The following MTHFD1L variants were observed in gnomAD, a reference collection of about 807,000 sequenced individuals.
MTHFD1L encodes methylenetetrahydrofolate dehydrogenase (NADP+ dependent) 1 like.
Under a neutral mutation model 119.5 loss-of-function variants are expected in MTHFD1L, and 81 were observed. The ratio of observed to expected loss-of-function variants is 0.68; its 90% CI spans 0.57 to 0.82. The LOEUF (loss-of-function observed/expected upper bound fraction) is 0.82. MTHFD1L is among the 40% of genes least tolerant of loss of function. MTHFD1L has a pLI of 0.00. For synonymous variants in MTHFD1L, 430 were observed against 475.2 expected (o/e 0.90, Z 1.24); for missense variants, 1,125 against 1,253.4 (o/e 0.90, Z 1.55).
At chr6:150,962,409 G>T (rs1796577773) in intron 18 of MTHFD1L, among the ~76,000 whole-genome samples, 2 of 152,156 alleles carry the variant, frequency 1.3e-5, no homozygotes, top group Non-Finnish European at 2.9e-5. Context: ...ACTCTTTTTA[G>T]TTATCTTTTG....
intron 7 of MTHFD1L, among the ~76,000 whole-genome samples, chr6:150,895,414 G>T (rs1784054226): frequency 6.6e-6 from 1 of 152,178 alleles, no homozygotes; most frequent in Admixed American, 6.5e-5. Context: ...ATGGTCTCCA[G>T]CTGGGAGATG....
chr6:151,004,865 A>G (rs1781171062), intron 20 of MTHFD1L, among the ~76,000 whole-genome samples: 1 of 152,208 alleles, frequency 6.6e-6, no homozygotes, highest in South Asian at 2.1e-4. Flanking sequence ...GCCAAGACAA[A>G]TAATTCTTAT....
At chr6:151,011,050 A>G (rs7760043) in intron 21 of MTHFD1L, among the ~76,000 whole-genome samples, 44,109 of 152,112 alleles carry the variant, frequency 0.29, 7,255 homozygotes, top group African/African-American at 0.43. Flanking sequence ...GAGAGCCGAG[A>G]ACTTCAGATC....
At position 151,073,309 on chromosome 6, in the gene MTHFD1L, G is replaced by A. The variant is rs374015449; in HGVS notation, c.2848-19158G>A. ...CCCATCACCAGAGAAAGGATCACCC[G>A]AAAGAATGAGGGAACAGTGCCTGCC... On this transcript the variant is annotated intron_variant, in intron 26 of 27. Coordinates refer to ENST00000367321, the MANE Select transcript of MTHFD1L (RefSeq NM_015440.5). Among the ~76,000 whole-genome samples, 119 of 152,282 alleles carry A rather than the reference G, an allele frequency of 7.8e-4. 2 individuals carry two copies. The highest frequency in any genetic ancestry group is 3.4e-3 in the Middle Eastern group (1 of 294).
chr6:150,902,084 C>T (rs1785179477), intron 7 of MTHFD1L, among the ~76,000 whole-genome samples: 1 of 152,070 alleles, frequency 6.6e-6, no homozygotes, highest in Non-Finnish European at 1.5e-5. Context: ...GTCTTCTAGT[C>T]AAGAGGGTAG....
At chr6:150,945,092 T>C (rs574242279) in intron 14 of MTHFD1L, among the ~76,000 whole-genome samples, 1 of 152,320 alleles carries the variant, frequency 6.6e-6, no homozygotes, top group South Asian at 2.1e-4. Flanking sequence ...CTCACAGATA[T>C]AGGACATAGA....
intron 7 of MTHFD1L, among the ~76,000 whole-genome samples, chr6:150,895,462 A>G (rs1784059034): frequency 6.6e-6 from 1 of 152,148 alleles, no homozygotes; most frequent in African/African-American, 2.4e-5. Flanking sequence ...AATAACCTAG[A>G]AATCAGAGAA....
chr6:150,960,405 C>T lies in MTHFD1L; in HGVS notation c.1934C>T (p.Ala645Val). 6.2e-7 allele frequency: 1 copy of T among 1,609,050 alleles called. No individual in the cohort carries two copies. Among genetic ancestry groups the T allele is most frequent in the Non-Finnish European group, 8.5e-7 (1 of 1,177,410 alleles). Residue 645 changes from alanine (A) to valine (V), a missense_variant, in exon 18 of 28, where the codon GCA becomes GTA. By Grantham distance (64) the Ala-to-Val change is moderately conservative (BLOSUM62 0). Transcript: ENST00000367321. ...GACAAAAGCGGGCAGCCTGTGACAG[C>T]AGATGATTTGGTGAGTGTTTCCAAC... ...ASDKSGQPVT[A>V]DDLGVTGALT... is the part of the protein sequence containing the mutation.
chr6:150,922,635 TCCC>T (rs1190218729), intron 10 of MTHFD1L, among the ~76,000 whole-genome samples: 2 of 107,230 alleles, frequency 1.9e-5, no homozygotes, highest in African/African-American at 8.3e-5. Context: ...GGCAGTGTTT[TCCC>T]CCCCCACCCT....
intron 20 of MTHFD1L, among the ~76,000 whole-genome samples, chr6:150,986,620 G>A (rs917264951): frequency 4.6e-5 from 7 of 152,204 alleles, no homozygotes; most frequent in Admixed American, 1.3e-4. Flanking sequence ...TGGAGCTCAG[G>A]CAGTAATGCT....
intron 11 of MTHFD1L, chr6:150,935,217 C>T: frequency 1.9e-6 from 3 of 1,611,822 alleles, no homozygotes; most frequent in South Asian, 2.2e-5. Flanking sequence ...AAATTAAGGC[C>T]ACTGTGGAAG....
Position 151,079,582 on chromosome 6 carries a change from C to T in MTHFD1L, c.2848-12885C>T, listed in dbSNP as rs569625983. Among the ~76,000 whole-genome samples, 27 of 152,112 alleles carry T rather than the reference C, an allele frequency of 1.8e-4. 1 individual carries two copies. The highest frequency in any genetic ancestry group is 6.0e-4 in the African/African-American group (25 of 41,500). On this transcript the variant is annotated intron_variant, in intron 26 of 27. Coordinates refer to ENST00000367321, the MANE Select transcript of MTHFD1L (RefSeq NM_015440.5). Reference sequence around the variant, plus strand: ...TCGGCTCACCGCAACCTCCGCCCCCCGGATTCAAGCAATTCTCCTGCTTCA... The same window carrying T: ...TCGGCTCACCGCAACCTCCGCCCCCTGGATTCAAGCAATTCTCCTGCTTCA...
intron 6 of MTHFD1L, among the ~76,000 whole-genome samples, chr6:150,887,110 G>A (rs1470524789): frequency 6.6e-6 from 1 of 151,602 alleles, no homozygotes; most frequent in Non-Finnish European, 1.5e-5. Flanking sequence ...AACAATCAAA[G>A]AAAAATTTCA....
chr6:151,079,353 GAC>G (rs1792890363), intron 26 of MTHFD1L, among the ~76,000 whole-genome samples: 1 of 152,110 alleles, frequency 6.6e-6, no homozygotes, highest in Admixed American at 6.5e-5. Flanking sequence ...AAGGCAAAAA[GAC>G]ACCACTGAGT....
intron 11 of MTHFD1L, among the ~76,000 whole-genome samples, chr6:150,936,005 C>G (rs1417289145): frequency 2.0e-5 from 3 of 152,172 alleles, no homozygotes; most frequent in African/African-American, 7.2e-5. Context: ...AACATGGGAA[C>G]ATTTGGTTTT....
intron 20 of MTHFD1L, among the ~76,000 whole-genome samples, chr6:151,001,641 A>G (rs1348851881): frequency 6.6e-6 from 1 of 152,046 alleles, no homozygotes; most frequent in African/African-American, 2.4e-5. Context: ...GGATCTGATC[A>G]CTCGGCTGGG....
intron 20 of MTHFD1L, 133 bp from the exon 21 acceptor site, chr6:151,009,686 A>C (rs1232589958): frequency 1.9e-6 from 2 of 1,041,976 alleles, no homozygotes; most frequent in Non-Finnish European, 2.9e-6. Flanking sequence ...ACAATGGGGA[A>C]ATCAGTTCAC....
In MTHFD1L at chr6:150,941,664, A is replaced by G. The variant is rs146457604; in HGVS notation, c.1441-2822A>G. ...TAGAAAAGAGGAGGATTCAAGGACG[A>G]CATCCAGGGTACTGGCTTGAGCAAC... is the stretch of plus-strand genomic sequence containing the variant. On this transcript the variant is annotated intron_variant, in intron 13 of 27. Transcript: ENST00000367321. Among the ~76,000 whole-genome samples, 757 of 152,288 alleles carry G rather than the reference A, an allele frequency of 5.0e-3. 1 individual carries two copies. Among genetic ancestry groups the G allele is most frequent in the Middle Eastern group, 0.02 (6 of 294 alleles).
intron 7 of MTHFD1L, among the ~76,000 whole-genome samples, chr6:150,902,224 C>G (rs1332977604): frequency 1.3e-5 from 2 of 152,132 alleles, no homozygotes; most frequent in Non-Finnish European, 2.9e-5. Flanking sequence ...ATGCTTGTCC[C>G]TCCAGCTTAA....
Sources: gnomAD v4.1 joint callset for allele counts (sites outside exome capture counted in the v4.1 genomes callset) on GRCh38, gnomAD v4.1.1 for gene constraint, MANE v1.5 for transcripts, NCBI Gene and HGNC (gene_info 2026-07-23, HGNC 2026-07-21) for gene names.